The following ACVR1C variants were observed in gnomAD, a reference collection of about 807,000 sequenced individuals.
The protein encoded by ACVR1C is activin A receptor type 1C.
A neutral mutation model predicts 57.9 loss-of-function variants in ACVR1C; 23 were observed. The ratio of observed to expected loss-of-function variants is 0.40; its 90% CI spans 0.29 to 0.56. The LOEUF is 0.56. Among genes scored for constraint, ACVR1C ranks in the 20% least tolerant of loss-of-function variants. The pLI is 0.50. For synonymous variants in ACVR1C, 214 were observed against 215.3 expected (o/e 0.99, Z 0.05); for missense variants, 480 against 607.9 (o/e 0.79, Z 2.21).
chr2:157,584,667 T>G (rs1688874138), intron 2 of ACVR1C, among the ~76,000 whole-genome samples: 1 of 152,202 alleles, frequency 6.6e-6, no homozygotes, highest in South Asian at 2.1e-4. Flanking sequence ...ATAAGCAGTC[T>G]GAAAACTATT....
At chr2:157,564,175 G>C (rs1181203144) in intron 2 of ACVR1C, among the ~76,000 whole-genome samples, 1 of 152,136 alleles carries the variant, frequency 6.6e-6, no homozygotes, top group African/African-American at 2.4e-5. Context: ...AGAGTGAACA[G>C]GTAACCTACA....
chr2:157,545,098 T>C (rs1319396760), intron 4 of ACVR1C, among the ~76,000 whole-genome samples: 2 of 152,190 alleles, frequency 1.3e-5, no homozygotes, highest in Non-Finnish European at 2.9e-5. Flanking sequence ...CCTTTCAAAA[T>C]ATAGAGTTGA....
intron 3 of ACVR1C, among the ~76,000 whole-genome samples, chr2:157,554,507 G>C (rs1688042302): frequency 1.3e-5 from 2 of 152,072 alleles, no homozygotes; most frequent in Non-Finnish European, 2.9e-5. Context: ...TTGCAGTTTG[G>C]GGGTTTTCTT....
At chr2:157,548,035 T>C (rs1687812842) in intron 4 of ACVR1C, among the ~76,000 whole-genome samples, 1 of 152,174 alleles carries the variant, frequency 6.6e-6, no homozygotes, top group Non-Finnish European at 1.5e-5. Context: ...CTTTCTATTG[T>C]CTCAGCCCAA....
chr2:157,594,379 A>G (rs1463330758), intron 1 of ACVR1C, among the ~76,000 whole-genome samples: 1 of 146,574 alleles, frequency 6.8e-6, no homozygotes, highest in Non-Finnish European at 1.5e-5. Flanking sequence ...AATTCTCAAT[A>G]TAAGTGACTT....
At chr2:157,558,355 GCTAAAGAGCTTAATAT>G (rs1688156734) in intron 2 of ACVR1C, among the ~76,000 whole-genome samples, 1 of 152,300 alleles carries the variant, frequency 6.6e-6, no homozygotes, top group African/African-American at 2.4e-5. Context: ...CACTGACAAT[GCTAAAGAGCTTAATAT>G]CTTAGACGTT....
chr2:157,541,021 T>G, intron 7 of ACVR1C, 69 bp downstream of exon 7: 1 of 1,525,724 alleles, frequency 6.6e-7, no homozygotes, highest in Non-Finnish European at 8.9e-7. Context: ...GGGAAAAAGA[T>G]AGAATATCAC....
intron 1 of ACVR1C, among the ~76,000 whole-genome samples, chr2:157,589,352 C>T (rs1161182081): frequency 2.0e-5 from 3 of 151,978 alleles, no homozygotes; most frequent in Non-Finnish European, 4.4e-5. Flanking sequence ...AGTGTTTGTT[C>T]GTGTCATTTG....
chr2:157,542,084 T>C (rs920636525), intron 6 of ACVR1C, among the ~76,000 whole-genome samples: 24 of 152,214 alleles, frequency 1.6e-4, no homozygotes, highest in African/African-American at 5.5e-4. Flanking sequence ...TCATTCTTAA[T>C]CTTCAGAGAT....
chr2:157,550,419 A>C, intron 3 of ACVR1C, 27 bp from the exon 4 acceptor site: 1 of 1,590,664 alleles, frequency 6.3e-7, no homozygotes, highest in Admixed American at 1.7e-5. Flanking sequence ...TGGAATTGAT[A>C]ATTAAACACA....
In ACVR1C at chr2:157,628,758, AC is replaced by A. The variant is rs551131251; in HGVS notation, c.-115del. On this transcript the variant is annotated 5_prime_UTR_variant, in exon 1 of 9. Transcript: ENST00000243349. ...CGCGGGAGGGGAGCGCGGCACCGAC[AC>A]CCTTTTGAAGTGCGCGGTTGGCTCT... 8.4e-5 allele frequency: 81 copies of A among 962,660 alleles called. 1 individual carries two copies. In the African/African-American group the frequency reaches 1.3e-3, roughly 15 times the overall value. 59.6% of individuals were successfully genotyped at this position (962,660 alleles called of 1,614,324 possible).
chr2:157,598,535 T>G (rs1470477459), intron 1 of ACVR1C, among the ~76,000 whole-genome samples: 1 of 151,092 alleles, frequency 6.6e-6, no homozygotes, highest in Non-Finnish European at 1.5e-5. Context: ...TTTATTTTCT[T>G]TTAATAGTTT....
intron 1 of ACVR1C, among the ~76,000 whole-genome samples, chr2:157,613,451 T>G (rs935601473): frequency 7.5e-6 from 1 of 133,286 alleles, no homozygotes; most frequent in African/African-American, 3.5e-5. Context: ...TTTTGTTGTG[T>G]TTTTTTTCCA....
rs115649313 is a variant in ACVR1C, at chr2:157,584,514, A to G, written c.304+2673T>C. ...TAATTTAACATTATTAATTATTGGG[A>G]AATGCAAATTAAAACCACAATAAAA... On this transcript the variant is annotated intron_variant, in intron 2 of 8. Transcript: ENST00000243349. 6.0e-3 allele frequency among the ~76,000 whole-genome samples: 921 copies of G among 152,358 alleles called. 2 individuals are homozygous for G. Among genetic ancestry groups the G allele is most frequent in the African/African-American group, 0.021 (858 of 41,588 alleles).
intron 2 of ACVR1C, among the ~76,000 whole-genome samples, chr2:157,578,313 AG>A (rs1321884914): frequency 1.3e-5 from 2 of 152,206 alleles, no homozygotes; most frequent in African/African-American, 4.8e-5. Context: ...AAATGACAAC[AG>A]GCACATTTTA....
At position 157,528,180 on chromosome 2, in the gene ACVR1C, G is replaced by A. The variant is rs1356922119; in HGVS notation, c.*5738C>T. Reference sequence around the variant, plus strand: ...ATAAAATTATGTCTGGGAGCCAATTGCAGTTGGATTTTAGCCCGCACCTGC... The same window carrying A: ...ATAAAATTATGTCTGGGAGCCAATTACAGTTGGATTTTAGCCCGCACCTGC... On this transcript the variant is annotated 3_prime_UTR_variant, in exon 9 of 9. Coordinates refer to ENST00000243349, the MANE Select transcript of ACVR1C (RefSeq NM_145259.3). 6.6e-6 allele frequency: 1 copy of A among 152,166 alleles called. No homozygotes were observed. The highest frequency in any genetic ancestry group is 1.5e-5 in the Non-Finnish European group (1 of 68,054). The allele number at this position is 152,166 out of a possible 1,614,324, so 9.4% of individuals were successfully genotyped here. A position where few individuals can be genotyped will look rare whatever the true frequency, so the allele number is the denominator to read the frequency against.
intron 2 of ACVR1C, among the ~76,000 whole-genome samples, chr2:157,557,322 C>G (rs1363390528): frequency 6.6e-6 from 1 of 152,170 alleles, no homozygotes; most frequent in Non-Finnish European, 1.5e-5. Flanking sequence ...TGAATAGACA[C>G]TAGAGAAGCA....
intron 1 of ACVR1C, among the ~76,000 whole-genome samples, chr2:157,612,258 C>T (rs1305406930): frequency 6.6e-6 from 1 of 152,112 alleles, no homozygotes; most frequent in African/African-American, 2.4e-5. Flanking sequence ...CCCTGCCCTC[C>T]TTGCATGGGC....
intron 5 of ACVR1C, 27 bp from the exon 6 acceptor site, chr2:157,542,889 T>C (rs1433570531): frequency 1.2e-6 from 2 of 1,606,836 alleles, no homozygotes; most frequent in Non-Finnish European, 1.7e-6. Context: ...AACATATTCA[T>C]TTTTTTCTTT....
Sources: gnomAD v4.1 joint callset for allele counts (sites outside exome capture counted in the v4.1 genomes callset) on GRCh38, gnomAD v4.1.1 for gene constraint, MANE v1.5 for transcripts, NCBI Gene and HGNC (gene_info 2026-07-23, HGNC 2026-07-21) for gene names.